Variants in MACROD2 observed in about 807,000 individuals in gnomAD.
MACROD2 encodes mono-ADP ribosylhydrolase 2.
A neutral mutation model predicts 70.4 loss-of-function variants in MACROD2; 36 were observed. The ratio of observed to expected loss-of-function variants is 0.51; its 90% CI spans 0.39 to 0.68. MACROD2 has a LOEUF of 0.68. Ranked by LOEUF, MACROD2 falls within the 30% of genes least tolerant of loss-of-function variation. The pLI is 0.00. For synonymous variants in MACROD2, 172 were observed against 178.8 expected, an observed-to-expected ratio of 0.96 and a Z score of 0.30; for missense variants, 496 against 538.4, an observed-to-expected ratio of 0.92 and a Z score of 0.78.
At chr20:14,384,408 G>A (rs1160503509) in intron 3 of MACROD2, among the ~76,000 whole-genome samples, 3 of 152,122 alleles carry the variant, frequency 2.0e-5, no homozygotes, top group African/African-American at 7.2e-5. Flanking sequence ...GACATAATTG[G>A]CACTAAGAAA....
chr20:15,059,583 C>T (rs2075515483), intron 5 of MACROD2, among the ~76,000 whole-genome samples: 1 of 152,048 alleles, frequency 6.6e-6, no homozygotes, highest in Non-Finnish European at 1.5e-5. Context: ...ACAGCTGTGC[C>T]AGAGAAAGGA....
chr20:15,880,749 G>A (rs2064743191), intron 9 of MACROD2, among the ~76,000 whole-genome samples: 1 of 152,050 alleles, frequency 6.6e-6, no homozygotes. Context: ...CAAGCAGAGA[G>A]AGCCCTCAGG....
In MACROD2 at chr20:14,374,969, G is replaced by A. The variant is rs367859208; in HGVS notation, c.272-118510G>A. 2.0e-4 allele frequency among the ~76,000 whole-genome samples: 30 copies of A among 152,198 alleles called. No homozygotes were observed. In the South Asian group the frequency reaches 6.0e-3, roughly 31 times the overall value. On this transcript the variant is annotated intron_variant, in intron 3 of 17. Coordinates refer to ENST00000684519, the MANE Select transcript of MACROD2 (RefSeq NM_001351661.2). Reference sequence around the variant, plus strand: ...AAATCTTTCTCACATTAGAGAGCAGGTAATTATCCATTTGTATTTTATATC... The same window carrying A: ...AAATCTTTCTCACATTAGAGAGCAGATAATTATCCATTTGTATTTTATATC...
At chr20:14,263,327 G>A (rs1317110485) in intron 3 of MACROD2, among the ~76,000 whole-genome samples, 1 of 152,170 alleles carries the variant, frequency 6.6e-6, no homozygotes, top group Non-Finnish European at 1.5e-5. Context: ...ATTAACAAGA[G>A]CATGAAGCCA....
intron 3 of MACROD2, among the ~76,000 whole-genome samples, chr20:14,096,853 AC>A (rs2054234303): frequency 6.6e-6 from 1 of 152,134 alleles, no homozygotes; most frequent in Admixed American, 6.5e-5. Flanking sequence ...TCCCTTCTTG[AC>A]ATTTACACAC....
At chr20:15,589,939 GA>G (rs1277562121) in intron 8 of MACROD2, among the ~76,000 whole-genome samples, 1 of 151,986 alleles carries the variant, frequency 6.6e-6, no homozygotes, top group Non-Finnish European at 1.5e-5. Context: ...AGGTTAGCTA[GA>G]AAAAAATCTA....
chr20:15,196,026 A>G (rs1250849685), intron 5 of MACROD2, among the ~76,000 whole-genome samples: 1 of 152,206 alleles, frequency 6.6e-6, no homozygotes, highest in Non-Finnish European at 1.5e-5. Context: ...TGGGAGCTGA[A>G]TAATGAAAAC....
At chr20:14,917,258 C>T (rs1270912075) in intron 5 of MACROD2, among the ~76,000 whole-genome samples, 2 of 150,986 alleles carry the variant, frequency 1.3e-5, no homozygotes, top group Admixed American at 6.6e-5. Flanking sequence ...TGTGTGACAT[C>T]GGGTCTCTAT....
chr20:15,344,646 T>G (rs900884108), intron 6 of MACROD2, among the ~76,000 whole-genome samples: 1 of 152,174 alleles, frequency 6.6e-6, no homozygotes, highest in Admixed American at 6.6e-5. Flanking sequence ...GACTGATTTC[T>G]GAATGTGAGT....
chr20:15,420,562 G>A (rs1192939106), intron 6 of MACROD2, among the ~76,000 whole-genome samples: 1 of 151,554 alleles, frequency 6.6e-6, no homozygotes, highest in Non-Finnish European at 1.5e-5. Flanking sequence ...GTTTTTGAAG[G>A]AGACGGCATC....
intron 5 of MACROD2, among the ~76,000 whole-genome samples, chr20:15,038,492 C>A (rs1751091832): frequency 6.6e-6 from 1 of 152,102 alleles, no homozygotes; most frequent in Non-Finnish European, 1.5e-5. Context: ...GTTTCTGGCC[C>A]CTGTTATTGG....
chr20:14,777,585 C>A (rs1363106480), intron 5 of MACROD2, among the ~76,000 whole-genome samples: 2 of 151,860 alleles, frequency 1.3e-5, no homozygotes, highest in Non-Finnish European at 2.9e-5. Context: ...TTCATATAGA[C>A]CACACAAGTA....
chr20:15,713,991 A>ACACG (rs372048702), intron 8 of MACROD2, among the ~76,000 whole-genome samples: 16,250 of 116,828 alleles, frequency 0.14, 1,061 homozygotes, highest in Non-Finnish European at 0.16. Flanking sequence ...ACATATGCAC[A>ACACG]CACACACACA....
chr20:15,171,769 GTT>G (rs1385512029), intron 5 of MACROD2, among the ~76,000 whole-genome samples: 1 of 151,994 alleles, frequency 6.6e-6, no homozygotes, highest in East Asian at 1.9e-4. Context: ...ACTGTGTTTT[GTT>G]CTGAAATCCT....
chr20:15,360,758 A>G (rs2078342668), intron 6 of MACROD2, among the ~76,000 whole-genome samples: 1 of 152,096 alleles, frequency 6.6e-6, no homozygotes, highest in South Asian at 2.1e-4. Context: ...ATAGGTATGT[A>G]GTACTCTCTC....
chr20:14,208,648 G>C (rs1236845822), intron 3 of MACROD2, among the ~76,000 whole-genome samples: 1 of 152,186 alleles, frequency 6.6e-6, no homozygotes, highest in African/African-American at 2.4e-5. Flanking sequence ...AACAAAAGTA[G>C]TTGTTGATCT....
intron 5 of MACROD2, among the ~76,000 whole-genome samples, chr20:14,774,966 A>G (rs1256817311): frequency 6.6e-6 from 1 of 152,134 alleles, no homozygotes; most frequent in African/African-American, 2.4e-5. Context: ...ACTGTCTCAA[A>G]AGCAAAATTT....
chr20:15,140,977 C>G (rs2076187480), intron 5 of MACROD2, among the ~76,000 whole-genome samples: 1 of 152,184 alleles, frequency 6.6e-6, no homozygotes, highest in Non-Finnish European at 1.5e-5. Context: ...CTGTTCACAT[C>G]CATCCAGATT....
At chr20:15,834,604 T>C (rs1189783844) in intron 8 of MACROD2, among the ~76,000 whole-genome samples, 1 of 152,186 alleles carries the variant, frequency 6.6e-6, no homozygotes, top group Non-Finnish European at 1.5e-5. Context: ...TTTTTGTTTA[T>C]TATCGACTGA....
Sources: gnomAD v4.1 joint callset for allele counts (sites outside exome capture counted in the v4.1 genomes callset) on GRCh38, gnomAD v4.1.1 for gene constraint, MANE v1.5 for transcripts, NCBI Gene and HGNC (gene_info 2026-07-23, HGNC 2026-07-21) for gene names.